CTDSP2: variants seen among roughly 807,000 people sequenced by gnomAD.
CTDSP2 encodes carboxy-terminal domain RNA polymerase II polypeptide A small phosphatase 2.
In CTDSP2, 9 loss-of-function variants were observed where a neutral mutation model predicts 31.6. The observed-to-expected ratio is 0.28, with a 90% CI of 0.17 to 0.50. The LOEUF is 0.50. Among genes scored for constraint, CTDSP2 ranks in the 20% least tolerant of loss-of-function variants. The pLI, the probability that CTDSP2 is intolerant of heterozygous loss-of-function variation, is 0.98. For synonymous variants in CTDSP2, 134 were observed against 134.5 expected, an observed-to-expected ratio of 1.00 and a Z score of 0.03; for missense variants, 267 against 348.5, an observed-to-expected ratio of 0.77 and a Z score of 1.86.
rs1464039192 is a variant in CTDSP2 at position 57,824,239 on chromosome 12, G to C, written c.492C>G (p.Ala164=). 1 of 1,614,056 alleles carries C rather than the reference G, an allele frequency of 6.2e-7. No individual in the cohort carries two copies. Among genetic ancestry groups the C allele is most frequent in the South Asian group, 1.1e-5 (1 of 91,074 alleles). ...GELFECVLFT[A]SLAKYADPVT... ...CACCCCTAGGTACCTTGGCCAGGCT[G>C]GCAGTGAAGAGAACACATTCAAAGA... The change falls in exon 6 of 8, where the codon GCC becomes GCG. Residue 164 remains alanine (A), a synonymous_variant. Coordinates refer to ENST00000398073, the MANE Select transcript of CTDSP2 (RefSeq NM_005730.4).
At chr12:57,830,237 T>C (rs1274362610) in intron 1 of CTDSP2, among the ~76,000 whole-genome samples, 2 of 151,994 alleles carry the variant, frequency 1.3e-5, no homozygotes, top group African/African-American at 2.4e-5. Context: ...TACAAAAAAT[T>C]AGCCAGGTGA....
chr12:57,824,417 A>G (rs1378931741), intron 5 of CTDSP2, 98 bp from the exon 6 acceptor site: 1 of 913,676 alleles, frequency 1.1e-6, no homozygotes, highest in South Asian at 1.4e-5. Flanking sequence ...GGAGCTCTCA[A>G]CCCCTGCAGC....
In CTDSP2 at chr12:57,824,159, G is replaced by A. The variant is rs1012306141; in HGVS notation, c.504+68C>T. 4.3e-6 allele frequency: 7 copies of A among 1,609,816 alleles called. No homozygotes were observed. In the Admixed American group the frequency reaches 5.0e-5, roughly 12 times the overall value. ...TCCTGTATAACCCTAGGGACCAAAA[G>A]GGAGCTGCTGGACCACCCCCGTGGC... On this transcript the variant is annotated intron_variant, in intron 6 of 7. Coordinates refer to ENST00000398073, the MANE Select transcript of CTDSP2 (RefSeq NM_005730.4).
intron 2 of CTDSP2, among the ~76,000 whole-genome samples, chr12:57,827,926 C>T (rs1341308264): frequency 6.6e-6 from 1 of 152,186 alleles, no homozygotes; most frequent in African/African-American, 2.4e-5. Context: ...GTCTGAATTC[C>T]TCACAGTGGC....
intron 1 of CTDSP2, among the ~76,000 whole-genome samples, chr12:57,844,156 C>A (rs1237080753): frequency 1.3e-5 from 2 of 151,858 alleles, no homozygotes; most frequent in Non-Finnish European, 2.9e-5. Context: ...GATTGCGCCA[C>A]TGCACTCTAG....
At chr12:57,839,073 C>G (rs753177373) in intron 1 of CTDSP2, among the ~76,000 whole-genome samples, 62 of 152,164 alleles carry the variant, frequency 4.1e-4, no homozygotes, top group Non-Finnish European at 6.9e-4. Context: ...GGCTGGCCAA[C>G]CAGTTCCTCC....
intron 1 of CTDSP2, among the ~76,000 whole-genome samples, chr12:57,841,559 G>T (rs1956282602): frequency 1.3e-5 from 2 of 152,186 alleles, no homozygotes; most frequent in African/African-American, 4.8e-5. Flanking sequence ...AGACAGAATG[G>T]CCAAAGTCCC....
chr12:57,836,523 C>G (rs952265545), intron 1 of CTDSP2, among the ~76,000 whole-genome samples: 1 of 152,020 alleles, frequency 6.6e-6, no homozygotes, highest in Admixed American at 6.6e-5. Flanking sequence ...GGTGCACCTG[C>G]AGTCCCAGCT....
intron 1 of CTDSP2, among the ~76,000 whole-genome samples, chr12:57,840,371 T>C (rs533069486): frequency 6.6e-6 from 1 of 152,106 alleles, no homozygotes; most frequent in African/African-American, 2.4e-5. Flanking sequence ...CTCCCCACCG[T>C]ACCTGACTGG....
At chr12:57,828,258 A>G (rs1014823044) in intron 2 of CTDSP2, among the ~76,000 whole-genome samples, 1 of 152,158 alleles carries the variant, frequency 6.6e-6, no homozygotes, top group Admixed American at 6.5e-5. Flanking sequence ...CGTCTCTACT[A>G]AAAATACAAA....
At chr12:57,830,733 T>C (rs1342665344) in intron 1 of CTDSP2, among the ~76,000 whole-genome samples, 1 of 152,124 alleles carries the variant, frequency 6.6e-6, no homozygotes, top group Non-Finnish European at 1.5e-5. Flanking sequence ...GGAAACAAAG[T>C]CATTTTATTT....
intron 3 of CTDSP2, 140 bp downstream of exon 3, chr12:57,827,412 A>G: frequency 1.1e-6 from 1 of 888,636 alleles, no homozygotes; most frequent in Non-Finnish European, 1.8e-6. Flanking sequence ...GCCCTCAACA[A>G]GTATGGGGAA....
chr12:57,824,440 G>A (rs918393765), intron 5 of CTDSP2, 121 bp from the exon 6 acceptor site: 2 of 780,862 alleles, frequency 2.6e-6, no homozygotes, highest in African/African-American at 1.7e-5. Context: ...AGCCTCCTGG[G>A]CTACCTGGCT....
At chr12:57,834,991 A>G (rs1956238559) in intron 1 of CTDSP2, among the ~76,000 whole-genome samples, 1 of 152,032 alleles carries the variant, frequency 6.6e-6, no homozygotes, top group Admixed American at 6.6e-5. Context: ...GTATGGTGGC[A>G]CATGCCTATA....
chr12:57,834,915 C>G (rs1353171824), intron 1 of CTDSP2, among the ~76,000 whole-genome samples: 1 of 151,990 alleles, frequency 6.6e-6, no homozygotes, highest in Admixed American at 6.5e-5. Context: ...CTGAGGTTGG[C>G]AGTTTGAAAC....
chr12:57,821,126 C>T lies in CTDSP2; in HGVS notation c.*2476G>A, dbSNP rs1354772343. Reference sequence around the variant, plus strand: ...TTTACAATCATCCCTCACCCTAACACACGGTGAAACTGGAAACCCGACAGC... The same window carrying T: ...TTTACAATCATCCCTCACCCTAACATACGGTGAAACTGGAAACCCGACAGC... On this transcript the variant is annotated 3_prime_UTR_variant, in exon 8 of 8. Coordinates refer to ENST00000398073, the MANE Select transcript of CTDSP2 (RefSeq NM_005730.4). The T allele has an allele frequency of 3.9e-5, 6 of 152,244 alleles. No individual in the cohort carries two copies. The highest frequency in any genetic ancestry group is 1.4e-4 in the African/African-American group (6 of 41,448). 9.4% of individuals were successfully genotyped at this position (152,244 alleles called of 1,614,324 possible). A position where few individuals can be genotyped will look rare whatever the true frequency, so the allele number is the denominator to read the frequency against.
chr12:57,844,124 G>A (rs1449739097), intron 1 of CTDSP2, among the ~76,000 whole-genome samples: 1 of 152,062 alleles, frequency 6.6e-6, no homozygotes, highest in Non-Finnish European at 1.5e-5. Flanking sequence ...GAATTTAGGA[G>A]GCGGAGGTTG....
At chr12:57,846,011 C>CCGCG (rs1350672935) in intron 1 of CTDSP2, among the ~76,000 whole-genome samples, 2 of 152,338 alleles carry the variant, frequency 1.3e-5, no homozygotes, top group East Asian at 3.9e-4. Flanking sequence ...CCCGGGGCAG[C>CCGCG]CGCGCGCGGC....
rs767352874 is a variant in CTDSP2, at chr12:57,820,418, T to C, written c.*3184A>G. 4 of 152,200 alleles carry C rather than the reference T, an allele frequency of 2.6e-5. No individual in the cohort carries two copies. Among genetic ancestry groups the C allele is most frequent in the Non-Finnish European group, 4.4e-5 (3 of 68,032 alleles). 9.4% of individuals were successfully genotyped at this position (152,200 alleles called of 1,614,324 possible). The stretch of plus-strand genomic sequence containing the variant: ...CTGAAGGGGAAAATGGACTTACCTT[T>C]CTCATATACTTGGCCTGGCTAGGAC... On this transcript the variant is annotated 3_prime_UTR_variant, in exon 8 of 8. Transcript: ENST00000398073.
Sources: allele counts gnomAD v4.1 joint callset (sites outside exome capture counted in the v4.1 genomes callset), GRCh38; gene constraint gnomAD v4.1.1; transcripts MANE v1.5; gene names NCBI Gene and HGNC (gene_info 2026-07-23, HGNC 2026-07-21).